Variants in ZFHX3 observed in about 807,000 individuals in gnomAD.
ZFHX3 encodes zinc finger homeobox 3, also known as zinc finger homeobox protein 3.
Under a neutral mutation model 279.1 loss-of-function variants are expected in ZFHX3, and 42 were observed. That is an observed-to-expected ratio of 0.15 (90% confidence interval 0.12 to 0.19). ZFHX3 has a LOEUF of 0.19. Ranked by LOEUF, ZFHX3 falls within the 10% of genes least tolerant of loss-of-function variation. ZFHX3 has a pLI of 1.00. For missense variants in ZFHX3, 4,981 were observed against 4,754.0 expected (o/e 1.05, Z -1.40); for synonymous variants, 2,293 against 1,957.8 (o/e 1.17, Z -4.52).
chr16:73,106,813 G>C (rs1414760039), intron 7 of ZFHX3, among the ~76,000 whole-genome samples: 1 of 152,138 alleles, frequency 6.6e-6, no homozygotes, highest in African/African-American at 2.4e-5. Flanking sequence ...GAGTTAGTCT[G>C]TCCACTTCCA....
At chr16:73,761,321 C>G (rs574237240) in intron 1 of ZFHX3, among the ~76,000 whole-genome samples, 18 of 152,166 alleles carry the variant, frequency 1.2e-4, no homozygotes, top group South Asian at 2.1e-4. Flanking sequence ...AACAACTGCT[C>G]AAGGAAGTAA....
At chr16:73,144,111 C>G (rs1405746738) in intron 5 of ZFHX3, among the ~76,000 whole-genome samples, 2 of 152,114 alleles carry the variant, frequency 1.3e-5, no homozygotes, top group African/African-American at 4.8e-5. Flanking sequence ...GGCAGCCAAC[C>G]TCAAGACAGC....
intron 2 of ZFHX3, among the ~76,000 whole-genome samples, chr16:73,460,184 A>G (rs1441233360): frequency 1.3e-5 from 2 of 152,026 alleles, no homozygotes; most frequent in African/African-American, 2.4e-5. Context: ...AATTTTGTCA[A>G]TTCAAGAATG....
chr16:73,337,966 A>C (rs1293145305), intron 3 of ZFHX3, among the ~76,000 whole-genome samples: 1 of 146,538 alleles, frequency 6.8e-6, no homozygotes, highest in African/African-American at 2.5e-5. Flanking sequence ...TACACAGTTT[A>C]GATTCCAGGG....
intron 7 of ZFHX3, among the ~76,000 whole-genome samples, chr16:73,114,556 G>A (rs1204735571): frequency 6.6e-6 from 1 of 151,956 alleles, no homozygotes; most frequent in Non-Finnish European, 1.5e-5. Flanking sequence ...GCACATGCCT[G>A]CAGTCCCAGC....
In ZFHX3 at chr16:72,794,392, T is replaced by A. The variant is rs777500218; in HGVS notation, c.8290A>T (p.Ile2764Phe). 2.5e-6 allele frequency: 4 copies of A among 1,606,686 alleles called. No individual in the cohort carries two copies. The South Asian group carries it at 4.4e-5, about 18-fold the overall frequency. The stretch of plus-strand genomic sequence containing the variant: ...TGGGAAAAGCTAGTTCCGTCAAAAA[T>A]ATCTCCTTTCATCTGGAGTCCCCCA... ...CDGGLQMKGD[I>F]FDGTSFSHLP... The change falls in exon 9 of 10, where the codon ATT becomes TTT. Residue 2764 changes from isoleucine to phenylalanine, a missense_variant. By Grantham distance (21) the Ile-to-Phe change is conservative. Around this residue, in one of 7 missense-constraint regions of ZFHX3, gnomAD observed 744 missense variants for 701.3 expected, o/e 1.06. Transcript: ENST00000268489. The surrounding 1 kb of genome is among the most constrained non-coding windows in gnomAD (Gnocchi z 4.2).
At chr16:73,392,632 G>A (rs1440712779) in intron 3 of ZFHX3, among the ~76,000 whole-genome samples, 2 of 151,000 alleles carry the variant, frequency 1.3e-5, no homozygotes, top group Non-Finnish European at 2.9e-5. Flanking sequence ...TAAAAACTGT[G>A]TATGTAAGTA....
chr16:73,049,546 G>C (rs929653568), upstream of ZFHX3, among the ~76,000 whole-genome samples: 8 of 152,172 alleles, frequency 5.3e-5, no homozygotes, highest in African/African-American at 1.4e-4. Flanking sequence ...GGTACAGACA[G>C]CCCCTTTCTA....
intron 1 of ZFHX3, among the ~76,000 whole-genome samples, chr16:73,787,695 T>C (rs1959689277): frequency 6.6e-6 from 1 of 152,178 alleles, no homozygotes; most frequent in African/African-American, 2.4e-5. Flanking sequence ...GAATGATGGA[T>C]GCACTATCTG....
At chr16:73,712,565 A>G (rs2053373902) in intron 1 of ZFHX3, among the ~76,000 whole-genome samples, 1 of 152,134 alleles carries the variant, frequency 6.6e-6, no homozygotes, top group Non-Finnish European at 1.5e-5. Context: ...CTCAGTGCCC[A>G]TTTGGCTTCT....
At position 73,078,984 on chromosome 16, in the gene ZFHX3, T is replaced by G. The variant is rs571096801; in HGVS notation, c.-533+14251A>C. On this transcript the variant is annotated intron_variant, in intron 8 of 17. Coordinates refer to the ZFHX3 transcript ENST00000641206. ...ACCAAGATTGGAATGAACTTCAACT[T>G]GCCTGTCACATTACCTTATGGTGCC... Among the ~76,000 whole-genome samples, 4 of 152,252 alleles carry G rather than the reference T, an allele frequency of 2.6e-5. No homozygotes were observed. The South Asian group carries it at 8.3e-4, about 32-fold the overall frequency.
intron 5 of ZFHX3, among the ~76,000 whole-genome samples, chr16:73,195,842 A>T (rs947454831): frequency 6.6e-6 from 1 of 152,200 alleles, no homozygotes; most frequent in African/African-American, 2.4e-5. Context: ...CTGACTGAAC[A>T]GGTGGGAGAG....
chr16:73,440,522 G>A (rs760911382), intron 3 of ZFHX3, among the ~76,000 whole-genome samples: 2 of 152,152 alleles, frequency 1.3e-5, no homozygotes, highest in African/African-American at 2.4e-5. Flanking sequence ...CAGAAGCTCC[G>A]ACTTTGTGTT....
intron 4 of ZFHX3, among the ~76,000 whole-genome samples, chr16:73,276,315 C>G (rs2014302270): frequency 6.6e-6 from 1 of 151,926 alleles, no homozygotes; most frequent in South Asian, 2.1e-4. Flanking sequence ...TCCCGAGTAG[C>G]TGGGATTACA....
rs143707019 is a variant in ZFHX3 at position 73,476,016 on chromosome 16, C to T, written c.-1546-19758G>A. ...AGGTTAAGGTATTCCAAAAAGAAAT[C>T]GTAATTTTGAACAGGAAATCTTGCA... On this transcript the variant is annotated intron_variant, in intron 2 of 17. Transcript: ENST00000641206. Among the ~76,000 whole-genome samples, 899 of 152,168 alleles carry T rather than the reference C, an allele frequency of 5.9e-3. 14 individuals are homozygous for T. The highest frequency in any genetic ancestry group is 0.021 in the African/African-American group (872 of 41,536).
chr16:73,535,207 T>C (rs528079426), intron 2 of ZFHX3, among the ~76,000 whole-genome samples: 2 of 152,198 alleles, frequency 1.3e-5, no homozygotes, highest in African/African-American at 2.4e-5. Context: ...AGAAATGCAA[T>C]AGGCATATAT....
chr16:73,597,746 C>T (rs1482488146), intron 2 of ZFHX3, among the ~76,000 whole-genome samples: 1 of 152,020 alleles, frequency 6.6e-6, no homozygotes, highest in Non-Finnish European at 1.5e-5. Context: ...CACAGCTCTG[C>T]CAACACCTTG....
At chr16:73,463,659 A>G (rs2018511950) in intron 2 of ZFHX3, among the ~76,000 whole-genome samples, 1 of 151,860 alleles carries the variant, frequency 6.6e-6, no homozygotes, top group South Asian at 2.1e-4. Flanking sequence ...ATCACCTTTT[A>G]TACTATTGGA....
intron 8 of ZFHX3, among the ~76,000 whole-genome samples, chr16:73,066,789 C>T (rs1431199921): frequency 6.6e-6 from 1 of 152,220 alleles, no homozygotes; most frequent in Non-Finnish European, 1.5e-5. Flanking sequence ...ACTCCGCACC[C>T]GGGACTGCTG....
Sources: gnomAD v4.1 joint callset for allele counts (sites outside exome capture counted in the v4.1 genomes callset) on GRCh38, gnomAD v4.1.1 for gene constraint, gnomAD v4.1.1 regional missense constraint, Gnocchi (gnomAD v3.1) non-coding constraint, MANE v1.5 for transcripts, NCBI Gene and HGNC (gene_info 2026-07-23, HGNC 2026-07-21) for gene names.